H2BW2: variants seen among roughly 807,000 people sequenced by gnomAD.
H2BW2 encodes histone H2B type F-M.
A neutral mutation model predicts 9.2 loss-of-function variants in H2BW2; 8 were observed. The ratio of observed to expected loss-of-function variants is 0.87; its 90% CI spans 0.51 to 1.57. H2BW2 has a LOEUF of 1.57. H2BW2 is among the 40% of genes most tolerant of loss of function. H2BW2 has a pLI of 0.00. For missense variants in H2BW2, 193 were observed against 137.3 expected (o/e 1.41, Z -2.03); for synonymous variants, 80 against 56.8 (o/e 1.41, Z -1.84).
chrX:104,042,086 G>A (rs1323030337), intron 3 of H2BW2, 26 bp from the exon 4 acceptor site: 1 of 112,289 alleles, frequency 8.9e-6, no homozygotes, highest in African/African-American at 3.2e-5. Context: ...CCACTCATTG[G>A]GATCTGTTAC....
At chrX:104,041,289 G>A in intron 3 of H2BW2, 183 bp downstream of exon 3, 1 of 144,389 alleles carries the variant, frequency 6.9e-6, no homozygotes, top group East Asian at 2.3e-4. Context: ...TAAAGGAACG[G>A]CAGTGTGATT....
At position 104,040,244 on chromosome X, in the gene H2BW2, C is replaced by T; in HGVS notation, c.250C>T (p.His84Tyr). The change falls in exon 1 of 4, where the codon CAT becomes TAT. Residue 84 changes from histidine (H) to tyrosine (Y), a missense_variant. His to Tyr is a moderately conservative substitution (Grantham distance 83). Transcript: ENST00000675318. ...EAVSVMDSMI[H>Y]DILDRIATEA... Reference sequence around the variant, plus strand: ...CGTGAGTGTCATGGATTCTATGATCCATGACATATTGGACCGCATCGCCAC... The same window carrying T: ...CGTGAGTGTCATGGATTCTATGATCTATGACATATTGGACCGCATCGCCAC... 1 of 1,194,915 alleles carries T rather than the reference C, an allele frequency of 8.4e-7. No individual in the cohort carries two copies. The highest frequency in any genetic ancestry group is 1.1e-6 in the Non-Finnish European group (1 of 887,009).
chrX:104,041,009 C>A, intron 2 of H2BW2, 79 bp from the exon 3 acceptor site: 1 of 647,675 alleles, frequency 1.5e-6, no homozygotes, highest in Non-Finnish European at 2.3e-6. Context: ...CGTTTTCCAG[C>A]TTCCCCGACT....
At chrX:104,041,185 C>G (rs1414306063) in intron 3 of H2BW2, 79 bp downstream of exon 3, 1 of 270,610 alleles carries the variant, frequency 3.7e-6, no homozygotes, top group East Asian at 7.9e-5. Flanking sequence ...AATGAGTGAC[C>G]TGCAGTCTAT....
chrX:104,040,550 G>A (rs1926325016), intron 1 of H2BW2, 146 bp downstream of exon 1: 3 of 568,542 alleles, frequency 5.3e-6, no homozygotes, highest in African/African-American at 2.3e-5. Context: ...GGGTGGCACC[G>A]TTCCAGCTTG....
chrX:104,040,259 C>A lies in H2BW2; in HGVS notation c.265C>A (p.Arg89Ser), dbSNP rs868983601. Reference protein sequence around the residue: ...MDSMIHDILDRIATEAGQLAH... With the variant: ...MDSMIHDILDSIATEAGQLAH... Reference sequence around the variant, plus strand: ...TTCTATGATCCATGACATATTGGACCGCATCGCCACCGAGGCTGGTCAGCT... The same window carrying A: ...TTCTATGATCCATGACATATTGGACAGCATCGCCACCGAGGCTGGTCAGCT... The change falls in exon 1 of 4, where the codon CGC becomes AGC. Residue 89 changes from arginine to serine, a missense_variant. Arg to Ser is a moderately radical substitution (Grantham distance 110). Transcript: ENST00000675318. The A allele has an allele frequency of 1.7e-6, 2 of 1,194,167 alleles. No individual in the cohort carries two copies. The highest frequency in any genetic ancestry group is 2.3e-6 in the Non-Finnish European group (2 of 886,662).
chrX:104,042,020 G>A (rs2075206515), intron 3 of H2BW2, 92 bp from the exon 4 acceptor site: 1 of 111,996 alleles, frequency 8.9e-6, no homozygotes, highest in Non-Finnish European at 1.9e-5. Context: ...AGAGGGGAAG[G>A]TCACCTCCAG....
Position 104,040,119 on chromosome X carries a change from A to C in H2BW2, c.125A>C (p.His42Pro), listed in dbSNP as rs1556343673. 8.5e-7 allele frequency: 1 copy of C among 1,169,988 alleles called. No homozygotes were observed. The highest frequency in any genetic ancestry group is 1.1e-6 in the Non-Finnish European group (1 of 875,267). Residue 42 changes from histidine (H) to proline (P), a missense_variant, in exon 1 of 4, where the codon CAC (histidine) becomes CCC (proline). His to Pro is a moderately conservative substitution (Grantham distance 77). Transcript: ENST00000675318. ...RRGCRGSRRR[H>P]ANRRGDSFGD... Reference sequence around the variant, plus strand: ...GGGTGCCGAGGCTCCCGCAGGCGCCACGCCAACCGCCGTGGGGACAGCTTC... The same window carrying C: ...GGGTGCCGAGGCTCCCGCAGGCGCCCCGCCAACCGCCGTGGGGACAGCTTC...
intron 3 of H2BW2, 109 bp downstream of exon 3, chrX:104,041,215 A>G: frequency 4.9e-6 from 1 of 204,717 alleles, no homozygotes; most frequent in Non-Finnish European, 8.7e-6. Flanking sequence ...TCATTGACCC[A>G]ATGTGGGGGG....
At position 104,040,338 on chromosome X, in the gene H2BW2, T is replaced by G; in HGVS notation, c.344T>G (p.Val115Gly). Residue 115 changes from valine (V) to glycine (G), a missense_variant, in exon 1 of 4, where the codon GTG becomes GGG. Transcript: ENST00000675318. ...TITSRDIQMA[V>G]RLLLPGKMGK... is the part of the protein sequence containing the mutation. ...ACCTCCCGGGACATCCAGATGGCCG[T>G]GCGACTGCTGCTGCCGGGGAAGATG... The G allele has an allele frequency of 8.4e-7, 1 of 1,189,425 alleles. No homozygotes were observed. The highest frequency in any genetic ancestry group is 1.1e-6 in the Non-Finnish European group (1 of 884,522).
intron 1 of H2BW2, among the ~76,000 whole-genome samples, 155 bp from the exon 2 acceptor site, chrX:104,040,673 G>A (rs1224250273): frequency 8.9e-6 from 1 of 112,349 alleles, no homozygotes; most frequent in Non-Finnish European, 1.9e-5. Flanking sequence ...AAAAGTAGGG[G>A]GTGTTTCCGT....
chrX:104,040,519 G>T, intron 1 of H2BW2, 115 bp downstream of exon 1: 2 of 707,494 alleles, frequency 2.8e-6, no homozygotes, highest in South Asian at 2.9e-5. Context: ...CCAAGGGGGG[G>T]ACCCCACCGG....
At position 104,040,376 on chromosome X, in the gene H2BW2, G is replaced by A. The variant is rs782508673; in HGVS notation, c.382G>A (p.Glu128Lys). ...LLPGKMGKLA[E>K]AQGTNAALRT... The stretch of plus-strand genomic sequence containing the variant: ...GCCGGGGAAGATGGGCAAGCTCGCC[G>A]AGGCCCAGGGCACGAATGCCGCCCT... Residue 128 changes from glutamate (E) to lysine (K), a missense_variant, in exon 1 of 4, where the codon GAG becomes AAG. By Grantham distance (56) the Glu-to-Lys change is moderately conservative. Transcript: ENST00000675318. 7.7e-6 allele frequency: 9 copies of A among 1,165,543 alleles called. No homozygotes were observed. The Admixed American group carries it at 1.2e-4, about 16-fold the overall frequency.
chrX:104,040,796 T>G (rs782016300), intron 1 of H2BW2, 32 bp from the exon 2 acceptor site: 1 of 651,241 alleles, frequency 1.5e-6, no homozygotes, highest in Non-Finnish European at 2.6e-6. Flanking sequence ...TTCACTCTCA[T>G]TCTCCTACGA....
chrX:104,040,313 A>G lies in H2BW2; in HGVS notation c.319A>G (p.Thr107Ala). The G allele has an allele frequency of 1.7e-6, 2 of 1,192,674 alleles. No individual in the cohort carries two copies. The highest frequency in any genetic ancestry group is 2.3e-6 in the Non-Finnish European group (2 of 886,629). ...CCATTACACCAAGCGCGTGACCATC[A>G]CCTCCCGGGACATCCAGATGGCCGT... is the stretch of plus-strand genomic sequence containing the variant. Reference protein sequence around the residue: ...LAHYTKRVTITSRDIQMAVRL... With the variant: ...LAHYTKRVTIASRDIQMAVRL... The change falls in exon 1 of 4, where the codon ACC (threonine) becomes GCC (alanine). Residue 107 changes from threonine (T) to alanine (A), a missense_variant. Thr to Ala is a moderately conservative substitution (Grantham distance 58, BLOSUM62 0). Coordinates refer to ENST00000675318, the MANE Select transcript of H2BW2 (RefSeq NM_001388464.1).
rs781795638 is a variant in H2BW2, at chrX:104,040,353, C to T, written c.359C>T (p.Pro120Leu). ...DIQMAVRLLL[P>L]GKMGKLAEAQ... ...CAGATGGCCGTGCGACTGCTGCTGC[C>T]GGGGAAGATGGGCAAGCTCGCCGAG... Residue 120 changes from proline to leucine, a missense_variant, in exon 1 of 4, where the codon CCG (proline) becomes CTG (leucine). Coordinates refer to ENST00000675318, the MANE Select transcript of H2BW2 (RefSeq NM_001388464.1). The T allele has an allele frequency of 1.4e-5, 17 of 1,182,349 alleles. No homozygotes were observed. The highest frequency in any genetic ancestry group is 1.8e-5 in the African/African-American group (1 of 56,466).
intron 3 of H2BW2, 32 bp from the exon 4 acceptor site, chrX:104,042,080 T>A (rs782605676): frequency 8.9e-6 from 1 of 112,571 alleles, no homozygotes; most frequent in Non-Finnish European, 1.9e-5. Context: ...AGAAGTCCAC[T>A]CATTGGGATC....
chrX:104,040,436 G>A (rs1304868426), intron 1 of H2BW2, 32 bp downstream of exon 1: 54 of 1,092,224 alleles, frequency 4.9e-5, no homozygotes, highest in Non-Finnish European at 6.0e-5. Context: ...TGTCTCAGGA[G>A]CGCCTGAGCA....
At position 104,040,260 on chromosome X, in the gene H2BW2, G is replaced by A. The variant is rs184708516; in HGVS notation, c.266G>A (p.Arg89His). ...TCTATGATCCATGACATATTGGACC[G>A]CATCGCCACCGAGGCTGGTCAGCTG... ...MDSMIHDILD[R>H]IATEAGQLAH... The change falls in exon 1 of 4, where the codon CGC (arginine) becomes CAC (histidine). Residue 89 changes from arginine to histidine, a missense_variant. By Grantham distance (29) the Arg-to-His change is conservative. Transcript: ENST00000675318. The A allele has an allele frequency of 1.5e-5, 18 of 1,192,428 alleles. No individual in the cohort carries two copies. Among genetic ancestry groups the A allele is most frequent in the Non-Finnish European group, 1.5e-5 (13 of 886,250 alleles).
Sources: gnomAD v4.1 joint callset for allele counts (sites outside exome capture counted in the v4.1 genomes callset) on GRCh38, gnomAD v4.1.1 for gene constraint, MANE v1.5 for transcripts, NCBI Gene and HGNC (gene_info 2026-07-23, HGNC 2026-07-21) for gene names.